EYA1: variants seen among roughly 807,000 people sequenced by gnomAD.
The protein encoded by EYA1 is protein phosphatase EYA1.
A neutral mutation model predicts 82.0 loss-of-function variants in EYA1; 16 were observed. The ratio of observed to expected loss-of-function variants is 0.20; its 90% CI spans 0.13 to 0.30. The LOEUF is 0.30. EYA1 is among the 10% of genes least tolerant of loss of function. The probability of loss-of-function intolerance (pLI) is 1.00; values close to 1 mark genes in which losing one functional copy is unlikely to be tolerated. For missense variants in EYA1, 633 were observed against 730.7 expected, an observed-to-expected ratio of 0.87 and a Z score of 1.54; for synonymous variants, 261 against 264.4, an observed-to-expected ratio of 0.99 and a Z score of 0.12.
intron 3 of EYA1, among the ~76,000 whole-genome samples, chr8:71,335,027 T>A (rs939405926): frequency 6.6e-6 from 1 of 152,228 alleles, no homozygotes; most frequent in African/African-American, 2.4e-5. Flanking sequence ...TTTACATTTT[T>A]TTAAAAGAAG....
intron 2 of EYA1, among the ~76,000 whole-genome samples, chr8:71,479,101 C>T (rs544084963): frequency 1.8e-4 from 28 of 152,278 alleles, no homozygotes; most frequent in African/African-American, 6.5e-4. Flanking sequence ...CCACACCACA[C>T]CCTTTACCTC....
intron 2 of EYA1, among the ~76,000 whole-genome samples, chr8:71,503,936 G>A (rs1322155775): frequency 6.6e-6 from 1 of 152,176 alleles, no homozygotes; most frequent in Non-Finnish European, 1.5e-5. Context: ...TGTGATGTGA[G>A]TCGCTGGAAT....
intron 2 of EYA1, among the ~76,000 whole-genome samples, chr8:71,450,989 A>G (rs1371108939): frequency 6.6e-6 from 1 of 152,238 alleles, no homozygotes; most frequent in Non-Finnish European, 1.5e-5. Context: ...ACGAATAAAC[A>G]TTCATTCACA....
intron 3 of EYA1, among the ~76,000 whole-genome samples, chr8:71,336,483 T>C (rs893321177): frequency 6.6e-6 from 1 of 152,222 alleles, no homozygotes; most frequent in Admixed American, 6.5e-5. Flanking sequence ...ACAGATTCTA[T>C]AGATGCAACT....
At chr8:71,215,272 ATTT>A in intron 16 of EYA1, 112 bp downstream of exon 16, 1 of 866,750 alleles carries the variant, frequency 1.2e-6, no homozygotes, top group African/African-American at 1.7e-5. Flanking sequence ...TTATTCTTGT[ATTT>A]TTTTTTTGAC....
At chr8:71,308,337 G>C (rs558619613) in intron 7 of EYA1, among the ~76,000 whole-genome samples, 2 of 152,112 alleles carry the variant, frequency 1.3e-5, no homozygotes, top group Non-Finnish European at 2.9e-5. Context: ...CTCCGTTTTA[G>C]GCTAGTAAAT....
At chr8:71,287,678 A>G (rs189694345) in intron 9 of EYA1, among the ~76,000 whole-genome samples, 171 of 152,322 alleles carry the variant, frequency 1.1e-3, no homozygotes, top group Non-Finnish European at 1.6e-3. Context: ...AAACAACCAC[A>G]ATCCACAATG....
At chr8:71,349,164 G>A (rs1826051304) in intron 3 of EYA1, among the ~76,000 whole-genome samples, 1 of 152,114 alleles carries the variant, frequency 6.6e-6, no homozygotes, top group African/African-American at 2.4e-5. Flanking sequence ...ATGTGCACCT[G>A]GACCACAGGA....
chr8:71,457,517 T>A (rs1808032682), intron 2 of EYA1, among the ~76,000 whole-genome samples: 1 of 152,144 alleles, frequency 6.6e-6, no homozygotes, highest in Non-Finnish European at 1.5e-5. Context: ...AACCCAAATG[T>A]CCATCAATGA....
At chr8:71,280,686 A>G (rs1329873571) in intron 9 of EYA1, among the ~76,000 whole-genome samples, 2 of 152,240 alleles carry the variant, frequency 1.3e-5, no homozygotes, top group Non-Finnish European at 2.9e-5. Flanking sequence ...ACATGTGCAC[A>G]CATTCATTCA....
chr8:71,524,055 G>A (rs1156599438), intron 2 of EYA1, among the ~76,000 whole-genome samples: 1 of 152,116 alleles, frequency 6.6e-6, no homozygotes, highest in Non-Finnish European at 1.5e-5. Flanking sequence ...TTTAATAAAA[G>A]CCAACTTTAT....
intron 2 of EYA1, among the ~76,000 whole-genome samples, chr8:71,400,939 T>C (rs1049471908): frequency 6.6e-6 from 1 of 152,192 alleles, no homozygotes; most frequent in Non-Finnish European, 1.5e-5. Context: ...GTATACACCA[T>C]GGAATACTAT....
rs1826707146 is a variant in EYA1, at chr8:71,354,915, G to A, written c.-4-6C>T. The A allele has an allele frequency of 3.1e-6, 5 of 1,612,576 alleles. No individual in the cohort carries two copies. The highest frequency in any genetic ancestry group is 4.2e-6 in the Non-Finnish European group (5 of 1,179,038). On this transcript the variant is annotated splice_region_variant and splice_polypyrimidine_tract_variant and intron_variant, in intron 2 of 17. Coordinates refer to ENST00000340726, the MANE Select transcript of EYA1 (RefSeq NM_000503.6). ...GATCCTGCATTTCCATAGACCTAAA[G>A]ACAAGAAGCCTTCCATTTGACAGAT...
At chr8:71,206,084 A>ACGT (rs1285014902) in intron 17 of EYA1, among the ~76,000 whole-genome samples, 1 of 152,198 alleles carries the variant, frequency 6.6e-6, no homozygotes, top group East Asian at 1.9e-4. Flanking sequence ...GAAAGAAGAC[A>ACGT]CTTATATAGT....
chr8:71,336,982 C>T (rs17785083), intron 3 of EYA1, among the ~76,000 whole-genome samples: 10,936 of 152,274 alleles, frequency 0.072, 467 homozygotes, highest in Non-Finnish European at 0.084. Context: ...GCCAAACATA[C>T]ATCCACCAGA....
chr8:71,423,964 T>C (rs7000943), intron 2 of EYA1, among the ~76,000 whole-genome samples: 76 of 152,368 alleles, frequency 5.0e-4, no homozygotes, highest in African/African-American at 1.8e-3. Context: ...TTAATGCTTC[T>C]ATTTATTTTG....
chr8:71,480,554 C>G (rs1810057804), intron 2 of EYA1, among the ~76,000 whole-genome samples: 1 of 151,750 alleles, frequency 6.6e-6, no homozygotes, highest in South Asian at 2.1e-4. Context: ...ATTTATTTAC[C>G]TTCTAAAGTG....
At chr8:71,528,125 T>G (rs1332385846) in intron 2 of EYA1, among the ~76,000 whole-genome samples, 1 of 152,170 alleles carries the variant, frequency 6.6e-6, no homozygotes, top group Admixed American at 6.5e-5. Context: ...CACTCCTGCA[T>G]GTTAAGAGTG....
intron 2 of EYA1, chr8:71,449,186 G>T: frequency 6.1e-6 from 1 of 164,278 alleles, no homozygotes; most frequent in South Asian, 1.5e-4. Flanking sequence ...TTATCATTGT[G>T]GCCACTAATT....
Sources: allele counts gnomAD v4.1 joint callset (sites outside exome capture counted in the v4.1 genomes callset), GRCh38; gene constraint gnomAD v4.1.1; transcripts MANE v1.5; gene names NCBI Gene and HGNC (gene_info 2026-07-23, HGNC 2026-07-21).